The following TNFSF4 variants were observed in gnomAD, a reference collection of about 807,000 sequenced individuals.
TNFSF4 encodes TNF superfamily member 4, also known as tumor necrosis factor ligand superfamily member 4.
In TNFSF4, 4 loss-of-function variants were observed where a neutral mutation model predicts 7.3. The ratio of observed to expected loss-of-function variants is 0.55; its 90% CI spans 0.27 to 1.25. The LOEUF is 1.25. Ranked by LOEUF, TNFSF4 falls within the 50% of genes most tolerant of loss-of-function variation. The pLI, the probability that TNFSF4 is intolerant of heterozygous loss-of-function variation, is 0.12. For synonymous variants in TNFSF4, 76 were observed against 83.7 expected (o/e 0.91, Z 0.50); for missense variants, 181 against 208.8 (o/e 0.87, Z 0.82).
At chr1:173,381,326 A>T in the TNFSF4 span, among the ~76,000 whole-genome samples, 1 of 152,208 alleles carries the variant, frequency 6.6e-6, no homozygotes, top group Non-Finnish European at 1.5e-5. Flanking sequence ...CAGGGATAGT[A>T]TGAGATGCCA....
At chr1:173,416,288 A>G in the TNFSF4 span, among the ~76,000 whole-genome samples, 1 of 152,248 alleles carries the variant, frequency 6.6e-6, no homozygotes, top group Non-Finnish European at 1.5e-5. Context: ...AACATGGTCC[A>G]AATTTGCAAA....
At chr1:173,381,699 A>G in the TNFSF4 span, among the ~76,000 whole-genome samples, 1 of 152,204 alleles carries the variant, frequency 6.6e-6, no homozygotes, top group Non-Finnish European at 1.5e-5. Flanking sequence ...AAGTAGCTAC[A>G]GCAGTCATTG....
At chr1:173,219,511 C>T in the TNFSF4 span, among the ~76,000 whole-genome samples, 185 of 152,172 alleles carry the variant, frequency 1.2e-3, 2 homozygotes, top group African/African-American at 4.2e-3. Flanking sequence ...CCATTTGATC[C>T]AACAATCTCA....
chr1:173,239,339 C>T, the TNFSF4 span, among the ~76,000 whole-genome samples: 1 of 152,068 alleles, frequency 6.6e-6, no homozygotes, highest in African/African-American at 2.4e-5. Context: ...AAGAAAAACT[C>T]CCTCTATATT....
chr1:173,363,143 GCCTGC>G, the TNFSF4 span: 1 of 332,526 alleles, frequency 3.0e-6, no homozygotes, highest in East Asian at 8.2e-5. Flanking sequence ...TTCTGCAAGG[GCCTGC>G]ACTGTGGAAA....
chr1:173,446,126 C>A, the TNFSF4 span, among the ~76,000 whole-genome samples: 23,119 of 151,822 alleles, frequency 0.15, 2,118 homozygotes, highest in East Asian at 0.31. Context: ...ATAAATGCTA[C>A]CACTGAGAAG....
chr1:173,209,703 A>G (rs751908404), upstream of TNFSF4, among the ~76,000 whole-genome samples: 101 of 152,140 alleles, frequency 6.6e-4, no homozygotes, highest in Admixed American at 2.1e-3. Flanking sequence ...GAGACTCCCT[A>G]TGTTTCCCAG....
chr1:173,443,632 G>C, the TNFSF4 span, among the ~76,000 whole-genome samples: 1 of 152,098 alleles, frequency 6.6e-6, no homozygotes, highest in Non-Finnish European at 1.5e-5. Context: ...TCAGGCTCTT[G>C]ACTCCAGGAC....
At chr1:173,308,686 T>C in the TNFSF4 span, among the ~76,000 whole-genome samples, 1 of 151,900 alleles carries the variant, frequency 6.6e-6, no homozygotes, top group African/African-American at 2.4e-5. Flanking sequence ...CAAGACATGA[T>C]GAGGGCAGCT....
chr1:173,239,255 C>A, the TNFSF4 span, among the ~76,000 whole-genome samples: 2 of 152,142 alleles, frequency 1.3e-5, no homozygotes, highest in African/African-American at 2.4e-5. Flanking sequence ...TTAATAACTG[C>A]TGACACCCCA....
At chr1:173,392,501 T>A in the TNFSF4 span, among the ~76,000 whole-genome samples, 88,362 of 152,038 alleles carry the variant, frequency 0.58, 25,700 homozygotes, top group South Asian at 0.67. Flanking sequence ...CACCAACTGG[T>A]AACTATTATT....
the TNFSF4 span, among the ~76,000 whole-genome samples, chr1:173,378,259 C>G: frequency 7.3e-5 from 11 of 150,894 alleles, no homozygotes; most frequent in South Asian, 1.9e-3. Context: ...CATCAGTGAG[C>G]ACAACTATTC....
intron 1 of TNFSF4, among the ~76,000 whole-genome samples, chr1:173,199,432 G>A (rs1649846821): frequency 6.6e-6 from 1 of 152,134 alleles, no homozygotes; most frequent in Non-Finnish European, 1.5e-5. Context: ...TGGTGTCCTT[G>A]AAGAGAAGGA....
At chr1:173,441,610 C>T in the TNFSF4 span, among the ~76,000 whole-genome samples, 1 of 152,008 alleles carries the variant, frequency 6.6e-6, no homozygotes, top group Non-Finnish European at 1.5e-5. Flanking sequence ...GGTGACAGAG[C>T]GAGACTCTGT....
chr1:173,209,621 C>T (rs891428026), upstream of TNFSF4, among the ~76,000 whole-genome samples: 3 of 152,132 alleles, frequency 2.0e-5, no homozygotes, highest in Non-Finnish European at 2.9e-5. Context: ...CCTCCTGCCT[C>T]AGCCTCCCAA....
At chr1:173,304,003 T>C in the TNFSF4 span, among the ~76,000 whole-genome samples, 2 of 151,932 alleles carry the variant, frequency 1.3e-5, no homozygotes, top group Non-Finnish European at 2.9e-5. Flanking sequence ...AAATATCTTT[T>C]TATTCTCCTG....
At chr1:173,337,194 C>T in the TNFSF4 span, among the ~76,000 whole-genome samples, 8 of 152,042 alleles carry the variant, frequency 5.3e-5, no homozygotes, top group Non-Finnish European at 2.9e-5. Context: ...GGAGCAAAAC[C>T]CTGCAATACT....
At chr1:173,306,367 T>C in the TNFSF4 span, among the ~76,000 whole-genome samples, 1 of 151,926 alleles carries the variant, frequency 6.6e-6, no homozygotes, top group Non-Finnish European at 1.5e-5. Context: ...CATATTAATC[T>C]CTAGCTCTTA....
At chr1:173,394,863 C>T in the TNFSF4 span, among the ~76,000 whole-genome samples, 2 of 151,952 alleles carry the variant, frequency 1.3e-5, no homozygotes, top group Non-Finnish European at 2.9e-5. Context: ...ACTACTCACC[C>T]TCCACAATCA....
Sources: gnomAD v4.1 joint callset for allele counts (sites outside exome capture counted in the v4.1 genomes callset) on GRCh38, gnomAD v4.1.1 for gene constraint, MANE v1.5 for transcripts, NCBI Gene and HGNC (gene_info 2026-07-23, HGNC 2026-07-21) for gene names.